PGBD5: variants seen among roughly 807,000 people sequenced by gnomAD.
PGBD5 encodes piggyBac transposable element derived 5.
In PGBD5, 14 loss-of-function variants were observed where a neutral mutation model predicts 47.9. The observed-to-expected ratio is 0.29, with a 90% CI of 0.19 to 0.46. The LOEUF is 0.46. Ranked by LOEUF, PGBD5 falls within the 20% of genes least tolerant of loss-of-function variation. The probability of loss-of-function intolerance (pLI) is 1.00; values close to 1 mark genes in which losing one functional copy is unlikely to be tolerated. For missense variants in PGBD5, 635 were observed against 716.0 expected (o/e 0.89, Z 1.29); for synonymous variants, 316 against 306.3 (o/e 1.03, Z -0.33).
intron 1 of PGBD5, among the ~76,000 whole-genome samples, chr1:230,375,992 TATCA>T (rs1668008049): frequency 6.6e-6 from 1 of 151,606 alleles, no homozygotes; most frequent in African/African-American, 2.4e-5. Flanking sequence ...AGTGAGCGCA[TATCA>T]GCACGTGCTT....
chr1:230,418,511 T>C (rs78915563), intron 1 of PGBD5, among the ~76,000 whole-genome samples: 2,801 of 152,236 alleles, frequency 0.018, 27 homozygotes, highest in Middle Eastern at 0.034. Context: ...TTTTCTTTTT[T>C]CTTTTCGAGA....
chr1:230,357,217 C>T lies in PGBD5; in HGVS notation c.436G>A (p.Ala146Thr). Residue 146 changes from alanine to threonine, a missense_variant, in exon 2 of 7, where the codon GCC becomes ACC. Transcript: ENST00000391860. This position sits in a 1 kb window ranked among gnomAD's most constrained non-coding sequence, Gnocchi z 5.7. The part of the protein sequence containing the change: ...KNMVVQTNMY[A>T]KKFQERFGSD... The stretch of plus-strand genomic sequence containing the variant: ...CCAAACCGCTCCTGGAACTTCTTGG[C>T]ATACATGTTTGTCTGCACCACCATG... The T allele has an allele frequency of 6.2e-7, 1 of 1,614,170 alleles. No individual in the cohort carries two copies.
rs140313011 is a variant in PGBD5 at position 230,316,073 on chromosome 1, C to CAT, written c.*7350_*7351dup. 97 of 89,636 alleles carry CAT rather than the reference C, an allele frequency of 1.1e-3. 3 individuals carry two copies. Among genetic ancestry groups the CAT allele is most frequent in the East Asian group, 8.7e-3 (10 of 1,146 alleles). 5.6% of individuals were successfully genotyped at this position (89,636 alleles called of 1,614,324 possible). On this transcript the variant is annotated 3_prime_UTR_variant, in exon 7 of 7. Coordinates refer to ENST00000391860, the MANE Select transcript of PGBD5 (RefSeq NM_001258311.2). ...ACACATATATGTATGTGTATACATA[C>CAT]ATGTTTATGTGTATACATACATATG... is the stretch of plus-strand genomic sequence containing the variant.
intron 1 of PGBD5, among the ~76,000 whole-genome samples, chr1:230,384,824 T>G (rs1219769195): frequency 2.0e-5 from 3 of 152,192 alleles, no homozygotes; most frequent in Non-Finnish European, 4.4e-5. Context: ...CCTCCCTTCC[T>G]CCTTTTAGTA....
intron 1 of PGBD5, among the ~76,000 whole-genome samples, chr1:230,401,968 C>T (rs1175896049): frequency 6.6e-6 from 1 of 152,184 alleles, no homozygotes; most frequent in Non-Finnish European, 1.5e-5. Flanking sequence ...AGGGCAAGGG[C>T]TCCTGAAGTG....
At position 230,323,658 on chromosome 1, in the gene PGBD5, T is replaced by G. The variant is rs1571820340; in HGVS notation, c.1380-38A>C. On this transcript the variant is annotated intron_variant, in intron 6 of 6. Transcript: ENST00000391860. The surrounding 1 kb of genome is among the most constrained non-coding windows in gnomAD (Gnocchi z 4.1). ...GGAATAAGAACGGCTGACCCGATGG[T>G]TCATGGCACCCGGAGATGCATCCCA... 1 of 1,578,108 alleles carries G rather than the reference T, an allele frequency of 6.3e-7. No homozygotes were observed. The highest frequency in any genetic ancestry group is 1.4e-5 in the African/African-American group (1 of 72,982).
At chr1:230,338,944 C>G (rs567130919) in intron 3 of PGBD5, among the ~76,000 whole-genome samples, 1 of 152,164 alleles carries the variant, frequency 6.6e-6, no homozygotes, top group Non-Finnish European at 1.5e-5. Context: ...TGGGCCCATG[C>G]GAGATAAGTT....
intron 1 of PGBD5, among the ~76,000 whole-genome samples, chr1:230,415,816 T>C (rs1360416199): frequency 3.3e-5 from 5 of 152,184 alleles, no homozygotes; most frequent in Non-Finnish European, 7.3e-5. Flanking sequence ...GGACTTGTTA[T>C]AAATTAGTTG....
chr1:230,409,503 A>G (rs1325921506), intron 1 of PGBD5, among the ~76,000 whole-genome samples: 1 of 152,246 alleles, frequency 6.6e-6, no homozygotes, highest in Non-Finnish European at 1.5e-5. Flanking sequence ...ACTCAATGGA[A>G]TATTATTCAA....
chr1:230,419,981 C>G lies in PGBD5; in HGVS notation c.331+5617G>C, dbSNP rs1268233100. 4.6e-5 allele frequency among the ~76,000 whole-genome samples: 7 copies of G among 152,090 alleles called. No individual in the cohort carries two copies. The South Asian group carries it at 1.5e-3, about 32-fold the overall frequency. On this transcript the variant is annotated intron_variant, in intron 1 of 6. Transcript: ENST00000391860. The stretch of plus-strand genomic sequence containing the variant: ...TCCCTACTAAAAATACAAAAATTAG[C>G]CAGGCGTGGTGGTGCGTGCCTGTAA...
chr1:230,413,561 G>A (rs1657457202), intron 1 of PGBD5, among the ~76,000 whole-genome samples: 1 of 152,086 alleles, frequency 6.6e-6, no homozygotes, highest in Non-Finnish European at 1.5e-5. Flanking sequence ...GATTATGATT[G>A]AGAGCAGGTA....
intron 3 of PGBD5, among the ~76,000 whole-genome samples, chr1:230,338,891 A>G (rs542806920): frequency 1.3e-5 from 2 of 152,320 alleles, no homozygotes; most frequent in East Asian, 3.9e-4. Flanking sequence ...GCTTTCTGTC[A>G]GGAAGAGCCC....
chr1:230,363,248 C>T (rs1373041310), intron 1 of PGBD5, among the ~76,000 whole-genome samples: 2 of 152,212 alleles, frequency 1.3e-5, no homozygotes, highest in African/African-American at 4.8e-5. Context: ...AAGCGCCCCA[C>T]AGGTGGGACT....
At chr1:230,411,971 C>A (rs1048684915) in intron 1 of PGBD5, among the ~76,000 whole-genome samples, 1 of 152,080 alleles carries the variant, frequency 6.6e-6, no homozygotes, top group African/African-American at 2.4e-5. Flanking sequence ...ATAAAACAAA[C>A]CCGTATTTGT....
At chr1:230,349,247 G>A (rs953491222) in intron 3 of PGBD5, among the ~76,000 whole-genome samples, 1 of 152,060 alleles carries the variant, frequency 6.6e-6, no homozygotes, top group Non-Finnish European at 1.5e-5. Flanking sequence ...AGCTACACAG[G>A]GCCGGTATGG....
intron 1 of PGBD5, among the ~76,000 whole-genome samples, chr1:230,391,770 A>G (rs1487541965): frequency 6.6e-6 from 1 of 152,234 alleles, no homozygotes; most frequent in African/African-American, 2.4e-5. Flanking sequence ...CATTTCTAGT[A>G]GCCAATAAAT....
At chr1:230,377,591 C>A (rs150611181) in intron 1 of PGBD5, 2 of 1,584,284 alleles carry the variant, frequency 1.3e-6, no homozygotes, top group African/African-American at 1.4e-5. Flanking sequence ...GTACTTTGCA[C>A]GAAGAGAGCT....
At chr1:230,362,739 T>C (rs1304222242) in intron 1 of PGBD5, among the ~76,000 whole-genome samples, 1 of 152,190 alleles carries the variant, frequency 6.6e-6, no homozygotes, top group Non-Finnish European at 1.5e-5. Context: ...TGTTTACCTC[T>C]TAAACCTGTT....
intron 3 of PGBD5, among the ~76,000 whole-genome samples, chr1:230,345,799 A>G (rs1055699254): frequency 2.0e-5 from 3 of 152,214 alleles, no homozygotes; most frequent in Non-Finnish European, 4.4e-5. Context: ...GCTTTGTGTT[A>G]ATTTTGCCCA....
Sources: allele counts gnomAD v4.1 joint callset (sites outside exome capture counted in the v4.1 genomes callset), GRCh38; gene constraint gnomAD v4.1.1; non-coding constraint Gnocchi (gnomAD v3.1); transcripts MANE v1.5; gene names NCBI Gene and HGNC (gene_info 2026-07-23, HGNC 2026-07-21).